Variants in MAP3K2 observed in about 807,000 individuals in gnomAD.
The protein encoded by MAP3K2 is mitogen-activated protein kinase kinase kinase 2, also known as MAP/ERK kinase kinase 2.
In MAP3K2, 24 loss-of-function variants were observed where a neutral mutation model predicts 80.3. That is an observed-to-expected ratio of 0.30 (90% confidence interval 0.22 to 0.42). MAP3K2 has a LOEUF of 0.42. MAP3K2 is among the 10% of genes least tolerant of loss of function. MAP3K2 has a pLI of 1.00. For synonymous variants in MAP3K2, 244 were observed against 253.7 expected (o/e 0.96, Z 0.36); for missense variants, 608 against 750.1 (o/e 0.81, Z 2.21).
intron 5 of MAP3K2, among the ~76,000 whole-genome samples, chr2:127,335,542 A>T (rs1317498724): frequency 6.6e-6 from 1 of 152,244 alleles, no homozygotes; most frequent in Admixed American, 6.5e-5. Flanking sequence ...TCTGTAGCCA[A>T]GTGTAGAGTA....
At chr2:127,323,828 T>C (rs541890453) in intron 11 of MAP3K2, 74 bp downstream of exon 11, 1 of 662,372 alleles carries the variant, frequency 1.5e-6, no homozygotes, top group African/African-American at 1.9e-5. Flanking sequence ...TATGAGGTTT[T>C]AAAAAATTTT....
chr2:127,330,925 T>C (rs1686244294), intron 5 of MAP3K2, among the ~76,000 whole-genome samples: 1 of 152,158 alleles, frequency 6.6e-6, no homozygotes, highest in Non-Finnish European at 1.5e-5. Context: ...ACCACAAATT[T>C]GCACTCTCAG....
chr2:127,366,714 CCCTA>C (rs1244981743), intron 1 of MAP3K2, among the ~76,000 whole-genome samples: 1 of 152,122 alleles, frequency 6.6e-6, no homozygotes, highest in Non-Finnish European at 1.5e-5. Context: ...TCACCCCACT[CCCTA>C]CCTTTTTGGC....
At chr2:127,353,257 C>G (rs1446017616) in intron 1 of MAP3K2, among the ~76,000 whole-genome samples, 1 of 151,934 alleles carries the variant, frequency 6.6e-6, no homozygotes, top group Non-Finnish European at 1.5e-5. Flanking sequence ...AAGTGACGAG[C>G]GTCTCTGCCC....
rs1204346202 is a variant in MAP3K2 at position 127,302,986 on chromosome 2, G to A, written c.*4593C>T. The A allele has an allele frequency of 1.3e-5, 2 of 152,024 alleles. No individual in the cohort carries two copies. Among genetic ancestry groups the A allele is most frequent in the African/African-American group, 4.8e-5 (2 of 41,396 alleles). 9.4% of individuals were successfully genotyped at this position (152,024 alleles called of 1,614,324 possible). A position where few individuals can be genotyped will look rare whatever the true frequency, so the allele number is the denominator to read the frequency against. On this transcript the variant is annotated 3_prime_UTR_variant, in exon 17 of 17. Coordinates refer to ENST00000682094, the MANE Select transcript of MAP3K2 (RefSeq NM_001371910.2). The stretch of plus-strand genomic sequence containing the variant: ...ACACAGTCTAAGGCCAAATGAACTT[G>A]TGAAGCCTACTGATTTTGGAAAAAA...
chr2:127,330,545 G>T, intron 5 of MAP3K2, 40 bp from the exon 6 acceptor site: 1 of 976,892 alleles, frequency 1.0e-6, no homozygotes, highest in Non-Finnish European at 1.6e-6. Context: ...TATCTCACCA[G>T]GTCAAGTTCT....
In MAP3K2 at chr2:127,305,414, G is replaced by A. The variant is rs1443483758; in HGVS notation, c.*2165C>T. The A allele has an allele frequency of 6.6e-6, 1 of 152,168 alleles. No homozygotes were observed. The highest frequency in any genetic ancestry group is 1.5e-5 in the Non-Finnish European group (1 of 68,010). 9.4% of individuals were successfully genotyped at this position (152,168 alleles called of 1,614,324 possible). ...TCCCTGCAAACTGCTTCAATTTTAA[G>A]AATATGAGAGAAGCGTTGACAATTA... On this transcript the variant is annotated 3_prime_UTR_variant, in exon 17 of 17. Coordinates refer to ENST00000682094, the MANE Select transcript of MAP3K2 (RefSeq NM_001371910.2).
Position 127,303,835 on chromosome 2 carries a change from A to T in MAP3K2, c.*3744T>A, listed in dbSNP as rs930514587. ...AATCACTGGCACAGAACTTTGCCAT[A>T]GGCCAAGGAGTCTGCATCTGGCTTG... On this transcript the variant is annotated 3_prime_UTR_variant, in exon 17 of 17. Coordinates refer to ENST00000682094, the MANE Select transcript of MAP3K2 (RefSeq NM_001371910.2). 5.3e-5 allele frequency: 8 copies of T among 152,318 alleles called. No individual in the cohort carries two copies. The South Asian group carries it at 6.2e-4, about 12-fold the overall frequency. The allele number at this position is 152,318 out of a possible 1,614,324, so 9.4% of individuals were successfully genotyped here. A position where few individuals can be genotyped will look rare whatever the true frequency, so the allele number is the denominator to read the frequency against.
intron 1 of MAP3K2, among the ~76,000 whole-genome samples, chr2:127,371,933 C>A (rs1687072206): frequency 6.6e-6 from 1 of 152,184 alleles, no homozygotes; most frequent in South Asian, 2.1e-4. Context: ...ACCCCAGGCC[C>A]TGCTGCAAAC....
At chr2:127,312,738 G>A (rs570128233) in intron 15 of MAP3K2, among the ~76,000 whole-genome samples, 51 of 152,214 alleles carry the variant, frequency 3.4e-4, no homozygotes, top group Middle Eastern at 3.4e-3. Context: ...CGAGGCAGGT[G>A]GATCACCTGA....
intron 1 of MAP3K2, among the ~76,000 whole-genome samples, chr2:127,349,163 TTTC>T (rs1686647053): frequency 7.1e-6 from 1 of 141,430 alleles, no homozygotes; most frequent in South Asian, 2.3e-4. Context: ...CTTTCTTTTC[TTTC>T]TTTTTTTTTT....
intron 1 of MAP3K2, among the ~76,000 whole-genome samples, chr2:127,378,990 T>G (rs1687198426): frequency 6.9e-6 from 1 of 145,736 alleles, no homozygotes; most frequent in African/African-American, 2.5e-5. Flanking sequence ...TGTTTTTTTT[T>G]TTTTTTTTTT....
rs1686989239 is a variant in MAP3K2 at position 127,367,305 on chromosome 2, C to G, written c.-66+20147G>C. Among the ~76,000 whole-genome samples the G allele has an allele frequency of 4.6e-5, 7 of 152,144 alleles. No homozygotes were observed. In the South Asian group the frequency reaches 1.5e-3, roughly 32 times the overall value. On this transcript the variant is annotated intron_variant, in intron 1 of 16. Transcript: ENST00000682094. ...GAGCAACTAAGAAGTTTTGTAAATA[C>G]TGTCTGACATATGTATATTATACAA...
rs145611736 is a variant in MAP3K2, at chr2:127,330,742, T to C, written c.265-237A>G. Reference sequence around the variant, plus strand: ...TTCTTTATTAATCATTACATTCTTCTAGAAAATAACATTTAAAGATTAATT... The same window carrying C: ...TTCTTTATTAATCATTACATTCTTCCAGAAAATAACATTTAAAGATTAATT... On this transcript the variant is annotated intron_variant, in intron 5 of 16. Transcript: ENST00000682094. Among the ~76,000 whole-genome samples, 310 of 152,336 alleles carry C rather than the reference T, an allele frequency of 2.0e-3. 1 individual carries two copies. Among genetic ancestry groups the C allele is most frequent in the African/African-American group, 7.2e-3 (300 of 41,576 alleles).
At chr2:127,334,179 TGGG>T (rs1322343366) in intron 5 of MAP3K2, among the ~76,000 whole-genome samples, 45 of 151,556 alleles carry the variant, frequency 3.0e-4, no homozygotes, top group Middle Eastern at 3.4e-3. Flanking sequence ...CATAGCAAAC[TGGG>T]AGAAGTCACT....
At chr2:127,368,440 G>A (rs1045504223) in intron 1 of MAP3K2, among the ~76,000 whole-genome samples, 1 of 152,112 alleles carries the variant, frequency 6.6e-6, no homozygotes, top group Admixed American at 6.6e-5. Flanking sequence ...GGCCAACATG[G>A]TGAAACCCCA....
intron 15 of MAP3K2, among the ~76,000 whole-genome samples, chr2:127,313,367 G>A (rs528464646): frequency 6.6e-6 from 1 of 152,304 alleles, no homozygotes; most frequent in Non-Finnish European, 1.5e-5. Context: ...AGGGAGGTCT[G>A]CCTAAGATGC....
intron 15 of MAP3K2, among the ~76,000 whole-genome samples, chr2:127,309,975 T>C (rs533943393): frequency 6.6e-6 from 1 of 152,306 alleles, no homozygotes; most frequent in Non-Finnish European, 1.5e-5. Context: ...TAAAGAGTTA[T>C]GCTCCAGGCT....
intron 3 of MAP3K2, among the ~76,000 whole-genome samples, chr2:127,338,544 C>G (rs1686417695): frequency 6.6e-6 from 1 of 152,086 alleles, no homozygotes; most frequent in African/African-American, 2.4e-5. Context: ...TCCATGTGTT[C>G]TCATTATTTA....
Sources: allele counts gnomAD v4.1 joint callset (sites outside exome capture counted in the v4.1 genomes callset), GRCh38; gene constraint gnomAD v4.1.1; transcripts MANE v1.5; gene names NCBI Gene and HGNC (gene_info 2026-07-23, HGNC 2026-07-21).